The following LARP1 variants were observed in gnomAD, a reference collection of about 807,000 sequenced individuals.
LARP1 encodes La ribonucleoprotein 1, translational regulator.
Under a neutral mutation model 122.7 loss-of-function variants are expected in LARP1, and 36 were observed. That is an observed-to-expected ratio of 0.29 (90% CI 0.22 to 0.39). The LOEUF (loss-of-function observed/expected upper bound fraction) is 0.39, where lower values mean the gene tolerates loss of function less well. Among genes scored for constraint, LARP1 ranks in the 10% least tolerant of loss-of-function variants. The pLI, the probability that LARP1 is intolerant of heterozygous loss-of-function variation, is 1.00. For synonymous variants in LARP1, 539 were observed against 528.7 expected (o/e 1.02, Z -0.27); for missense variants, 1,040 against 1,403.6 (o/e 0.74, Z 4.14).
chr5:154,806,045 G>C lies in LARP1; in HGVS notation c.2698+13G>C. The C allele has an allele frequency of 6.2e-7, 1 of 1,613,096 alleles. No individual in the cohort carries two copies. Among genetic ancestry groups the C allele is most frequent in the Non-Finnish European group, 8.5e-7 (1 of 1,179,488 alleles). The stretch of plus-strand genomic sequence containing the variant: ...CGCTGCCTTAATGGTAAGAAGTGTG[G>C]GGGGCAGGAGATGAGCCTCTGGGCC... On this transcript the variant is annotated intron_variant, in intron 15 of 18. Transcript: ENST00000518297.
intron 15 of LARP1, 48 bp downstream of exon 15, chr5:154,806,080 G>T (rs1758753601): frequency 3.8e-6 from 6 of 1,597,536 alleles, no homozygotes; most frequent in Non-Finnish European, 5.1e-6. Flanking sequence ...CCGTTATTTA[G>T]ACCCAGAGTA....
chr5:154,712,125 C>CTCTGA (rs1561539297), upstream of LARP1, among the ~76,000 whole-genome samples: 2 of 152,202 alleles, frequency 1.3e-5, no homozygotes, highest in Non-Finnish European at 2.9e-5. Flanking sequence ...GAGCCTGACA[C>CTCTGA]ATAATAGCTG....
chr5:154,688,161 T>A (rs757267018), intron 1 of LARP1, among the ~76,000 whole-genome samples: 3 of 152,176 alleles, frequency 2.0e-5, no homozygotes, highest in Admixed American at 6.5e-5. Flanking sequence ...CAGGGAGCTC[T>A]ATGTGCCAGC....
At chr5:154,798,764 G>T in intron 8 of LARP1, among the ~76,000 whole-genome samples, 1 of 152,200 alleles carries the variant, frequency 6.6e-6, no homozygotes. Context: ...AAAATGTTGG[G>T]ATTACAGGTG....
intron 1 of LARP1, among the ~76,000 whole-genome samples, chr5:154,689,478 G>A (rs1204368676): frequency 2.6e-5 from 4 of 151,002 alleles, no homozygotes; most frequent in South Asian, 2.1e-4. Flanking sequence ...AAAATAATCT[G>A]GCGAGGTGGC....
At chr5:154,768,728 C>T (rs1297751580) in intron 1 of LARP1, among the ~76,000 whole-genome samples, 3 of 152,008 alleles carry the variant, frequency 2.0e-5, no homozygotes, top group East Asian at 3.9e-4. Context: ...ACTACAGGCA[C>T]GCGCCACCAT....
At position 154,799,648 on chromosome 5, in the gene LARP1, G is replaced by A. The variant is rs758447839; in HGVS notation, c.1435G>A (p.Glu479Lys). ...TGATGAGAAAGTTCGTAGGAGGGAG[G>A]AACCAGAAAAGTGGCCTCTTCCCCC... ...IVDEKVRRRE[E>K]PEKWPLPPIV... Residue 479 changes from glutamate to lysine, a missense_variant, in exon 9 of 19, where the codon GAA becomes AAA. Glu to Lys is a moderately conservative substitution (Grantham distance 56). Coordinates refer to ENST00000518297, the MANE Select transcript of LARP1 (RefSeq NM_033551.3). 1.9e-6 allele frequency: 3 copies of A among 1,614,046 alleles called. No individual in the cohort carries two copies. The Admixed American group carries it at 5.0e-5, about 27-fold the overall frequency.
At chr5:154,808,358 T>C in intron 15 of LARP1, 101 bp from the exon 16 acceptor site, 1 of 1,406,818 alleles carries the variant, frequency 7.1e-7, no homozygotes. Context: ...GATTTGGAAG[T>C]ACATGAGAAA....
chr5:154,787,822 A>G (rs1391454764), intron 1 of LARP1, among the ~76,000 whole-genome samples: 1 of 152,178 alleles, frequency 6.6e-6, no homozygotes, highest in Non-Finnish European at 1.5e-5. Context: ...GACTGTTTGT[A>G]TTCTCATCAG....
rs935352014 is a variant in LARP1 at position 154,735,921 on chromosome 5, T to C, written c.205+22791T>C. ...TAAAAAGTTTTACATTTTTTGACTT[T>C]ATTATTATTTCTAGAAATGGGAGTC... is the stretch of plus-strand genomic sequence containing the variant. On this transcript the variant is annotated intron_variant, in intron 1 of 18. Coordinates refer to the LARP1 transcript ENST00000336314. Among the ~76,000 whole-genome samples, 5 of 151,834 alleles carry C rather than the reference T, an allele frequency of 3.3e-5. No individual in the cohort carries two copies. In the South Asian group the frequency reaches 1.0e-3, roughly 32 times the overall value.
chr5:154,741,374 A>G (rs184712939), intron 1 of LARP1, among the ~76,000 whole-genome samples: 202 of 152,346 alleles, frequency 1.3e-3, no homozygotes, highest in Admixed American at 3.7e-3. Context: ...CTAAAGGTGA[A>G]TAAAATAGCC....
intron 14 of LARP1, 51 bp from the exon 15 acceptor site, chr5:154,805,830 G>T: frequency 6.3e-7 from 1 of 1,588,582 alleles, no homozygotes; most frequent in Non-Finnish European, 8.6e-7. Flanking sequence ...TCCTGACATG[G>T]TGGGGCTGCT....
chr5:154,708,894 AACCACTGC>A (rs1755079433), upstream of LARP1, among the ~76,000 whole-genome samples: 3 of 152,222 alleles, frequency 2.0e-5, no homozygotes, highest in African/African-American at 4.8e-5. Flanking sequence ...TACAGGTGTG[AACCACTGC>A]GCCTGGCCTA....
At position 154,804,902 on chromosome 5, in the gene LARP1, A is replaced by G. The variant is rs1015518337; in HGVS notation, c.2546+595A>G. 37 of 456,184 alleles carry G rather than the reference A, an allele frequency of 8.1e-5. No homozygotes were observed. The Admixed American group carries it at 8.5e-4, about 10-fold the overall frequency. The allele number at this position is 456,184 out of a possible 1,614,324, so 28.3% of individuals were successfully genotyped here. A position where few individuals can be genotyped will look rare whatever the true frequency, so the allele number is the denominator to read the frequency against. On this transcript the variant is annotated intron_variant, in intron 14 of 18. Transcript: ENST00000518297. ...AAATAGGCATGCTTTTGAAGAAAAT[A>G]TACAATTGATCTTTGAACAACGAAG...
intron 2 of LARP1, 125 bp from the exon 3 acceptor site, chr5:154,790,520 C>A: frequency 7.8e-7 from 1 of 1,277,506 alleles, no homozygotes; most frequent in East Asian, 2.3e-5. Context: ...TTCTAGGTAT[C>A]CAGTGTGAAT....
intron 1 of LARP1, among the ~76,000 whole-genome samples, chr5:154,683,785 G>A (rs1377401454): frequency 6.6e-6 from 1 of 152,182 alleles, no homozygotes; most frequent in Non-Finnish European, 1.5e-5. Flanking sequence ...TGACTCCTTT[G>A]GTATGCAGGC....
chr5:154,701,812 G>A (rs1236675439), intron 1 of LARP1, among the ~76,000 whole-genome samples: 2 of 151,930 alleles, frequency 1.3e-5, no homozygotes, highest in Non-Finnish European at 2.9e-5. Context: ...TAGTAGAGAT[G>A]GGGTTTCACT....
chr5:154,704,968 A>G (rs1379909526), intron 1 of LARP1, among the ~76,000 whole-genome samples: 1 of 151,728 alleles, frequency 6.6e-6, no homozygotes, highest in Non-Finnish European at 1.5e-5. Flanking sequence ...AAATACAAAA[A>G]TTAGCTGGGC....
At chr5:154,685,783 C>T (rs1391181307) in intron 1 of LARP1, 3 of 501,684 alleles carry the variant, frequency 6.0e-6, no homozygotes, top group Non-Finnish European at 1.2e-5. Context: ...TCAGGCTGGG[C>T]AACATAGCGA....
Sources: allele counts gnomAD v4.1 joint callset (sites outside exome capture counted in the v4.1 genomes callset), GRCh38; gene constraint gnomAD v4.1.1; transcripts MANE v1.5; gene names NCBI Gene and HGNC (gene_info 2026-07-23, HGNC 2026-07-21).